The following MINPP1 variants were observed in gnomAD, a reference collection of about 807,000 sequenced individuals.
The protein encoded by MINPP1 is multiple inositol polyphosphate phosphatase 1.
MINPP1 carries 28 observed loss-of-function variants against 46.1 expected under a neutral mutation model. That is an observed-to-expected ratio of 0.61 (90% CI 0.45 to 0.83). The LOEUF is 0.83. Among genes scored for constraint, MINPP1 ranks in the 40% least tolerant of loss-of-function variants. MINPP1 has a pLI of 0.00. For synonymous variants in MINPP1, 268 were observed against 249.1 expected, an observed-to-expected ratio of 1.08 and a Z score of -0.72; for missense variants, 603 against 610.0, an observed-to-expected ratio of 0.99 and a Z score of 0.12.
At chr10:87,523,575 G>T (rs895634182) in intron 4 of MINPP1, among the ~76,000 whole-genome samples, 4 of 150,566 alleles carry the variant, frequency 2.7e-5, no homozygotes, top group African/African-American at 9.8e-5. Flanking sequence ...TAGCCAGGAT[G>T]GTCTCGATCT....
At chr10:87,535,664 A>ACCCCT (rs1851724062) in intron 4 of MINPP1, among the ~76,000 whole-genome samples, 1 of 152,068 alleles carries the variant, frequency 6.6e-6, no homozygotes, top group Admixed American at 6.5e-5. Context: ...GTGGTGGCTC[A>ACCCCT]GACCTGTAAT....
chr10:87,509,129 C>T (rs1250425959), intron 2 of MINPP1, among the ~76,000 whole-genome samples: 3 of 152,142 alleles, frequency 2.0e-5, no homozygotes, highest in Non-Finnish European at 4.4e-5. Context: ...GCCAGGAAAG[C>T]AGGTGGGAAA....
intron 4 of MINPP1, among the ~76,000 whole-genome samples, chr10:87,549,789 A>C (rs1271574155): frequency 6.6e-6 from 1 of 152,200 alleles, no homozygotes; most frequent in Non-Finnish European, 1.5e-5. Flanking sequence ...GGAGAGCAAT[A>C]ACTGAAAGTT....
chr10:87,522,648 A>G (rs189226764), intron 4 of MINPP1, among the ~76,000 whole-genome samples: 1 of 152,358 alleles, frequency 6.6e-6, no homozygotes, highest in East Asian at 1.9e-4. Context: ...CTGAGCCTTC[A>G]GAGAGTTGTA....
chr10:87,545,540 T>C (rs1851875059), intron 4 of MINPP1, among the ~76,000 whole-genome samples: 1 of 152,222 alleles, frequency 6.6e-6, no homozygotes, highest in African/African-American at 2.4e-5. Context: ...TTAAAAAATT[T>C]ATTCTTAAGA....
intron 2 of MINPP1, among the ~76,000 whole-genome samples, chr10:87,508,906 G>C (rs1851294988): frequency 6.6e-6 from 1 of 152,154 alleles, no homozygotes; most frequent in Admixed American, 6.5e-5. Flanking sequence ...TTTTGAAGCA[G>C]TTCAAAAGTA....
At chr10:87,520,012 C>T (rs1197658749) in intron 3 of MINPP1, among the ~76,000 whole-genome samples, 1 of 149,052 alleles carries the variant, frequency 6.7e-6, no homozygotes, top group African/African-American at 2.5e-5. Flanking sequence ...AAACCGTTTT[C>T]TATACTTTTA....
intron 2 of MINPP1, among the ~76,000 whole-genome samples, chr10:87,509,252 G>A (rs1851300395): frequency 6.6e-6 from 1 of 152,076 alleles, no homozygotes; most frequent in African/African-American, 2.4e-5. Flanking sequence ...TGCAAAGATT[G>A]TAGATTACAT....
In MINPP1 at chr10:87,504,911, C is replaced by A. The variant is rs757720938; in HGVS notation, c.-5C>A. On this transcript the variant is annotated 5_prime_UTR_variant, in exon 1 of 5. Transcript: ENST00000371996. Reference sequence around the variant, plus strand: ...GCTCGGCGCACTCCACTGACCGTCCCGACGATGCTACGCGCGCCCGGCTGC... The same window carrying A: ...GCTCGGCGCACTCCACTGACCGTCCAGACGATGCTACGCGCGCCCGGCTGC... The A allele has an allele frequency of 1.4e-5, 22 of 1,609,738 alleles. No homozygotes were observed. Among genetic ancestry groups the A allele is most frequent in the Non-Finnish European group, 1.8e-5 (21 of 1,179,104 alleles).
At chr10:87,523,344 T>A (rs985593066) in intron 4 of MINPP1, among the ~76,000 whole-genome samples, 22 of 146,408 alleles carry the variant, frequency 1.5e-4, no homozygotes, top group Non-Finnish European at 2.7e-4. Flanking sequence ...TTCTCTGTCA[T>A]ATGAAATTTC....
chr10:87,548,982 G>T (rs1483070863), intron 4 of MINPP1, among the ~76,000 whole-genome samples: 1 of 152,126 alleles, frequency 6.6e-6, no homozygotes, highest in Non-Finnish European at 1.5e-5. Flanking sequence ...TTCATCAAAT[G>T]GTAGAAGACA....
At chr10:87,525,024 GA>G (rs1333195508) in intron 4 of MINPP1, among the ~76,000 whole-genome samples, 4 of 152,012 alleles carry the variant, frequency 2.6e-5, no homozygotes, top group African/African-American at 9.7e-5. Context: ...CGTGCTGTTG[GA>G]AAAATTACAC....
intron 4 of MINPP1, among the ~76,000 whole-genome samples, chr10:87,545,306 CT>C (rs202103308): frequency 9.5e-5 from 14 of 147,102 alleles, no homozygotes; most frequent in African/African-American, 3.0e-4. Flanking sequence ...GCTTTCTTGA[CT>C]TTTTTTTTAA....
chr10:87,551,588 T>C (rs11202445), intron 4 of MINPP1, among the ~76,000 whole-genome samples: 231 of 152,254 alleles, frequency 1.5e-3, no homozygotes, highest in Middle Eastern at 6.8e-3. Context: ...AAGGATTACA[T>C]GAATTACCAT....
At chr10:87,551,070 T>G (rs1385550762) in intron 4 of MINPP1, among the ~76,000 whole-genome samples, 1 of 152,092 alleles carries the variant, frequency 6.6e-6, no homozygotes, top group Non-Finnish European at 1.5e-5. Context: ...ACTGATAATA[T>G]CTAGTGCTTG....
intron 3 of MINPP1, among the ~76,000 whole-genome samples, chr10:87,518,658 C>T (rs1420290182): frequency 2.0e-5 from 3 of 152,142 alleles, no homozygotes; most frequent in Admixed American, 6.5e-5. Context: ...GCTCAGTCCC[C>T]AAGTGCCCCA....
intron 3 of MINPP1, among the ~76,000 whole-genome samples, chr10:87,518,877 G>T (rs1203708809): frequency 1.3e-5 from 2 of 152,202 alleles, no homozygotes; most frequent in African/African-American, 4.8e-5. Flanking sequence ...CCCTGGGCAT[G>T]CCACCCTCCA....
chr10:87,528,650 A>T (rs1315821710), intron 4 of MINPP1, among the ~76,000 whole-genome samples: 4 of 152,176 alleles, frequency 2.6e-5, no homozygotes, highest in African/African-American at 9.7e-5. Flanking sequence ...ATTTTGGAAT[A>T]AGTGTGATGT....
At chr10:87,521,640 A>T (rs1324818487) in intron 4 of MINPP1, among the ~76,000 whole-genome samples, 1 of 152,156 alleles carries the variant, frequency 6.6e-6, no homozygotes, top group Non-Finnish European at 1.5e-5. Context: ...ATATTATTGC[A>T]TATAGCTGTA....
Sources: allele counts gnomAD v4.1 joint callset (sites outside exome capture counted in the v4.1 genomes callset), GRCh38; gene constraint gnomAD v4.1.1; transcripts MANE v1.5; gene names NCBI Gene and HGNC (gene_info 2026-07-23, HGNC 2026-07-21).